Variants in ZNF30 observed in about 807,000 individuals in gnomAD.
ZNF30 encodes zinc finger protein 30.
A neutral mutation model predicts 13.2 loss-of-function variants in ZNF30; 15 were observed. The observed-to-expected ratio is 1.13, with a 90% CI of 0.76 to 1.75. The LOEUF is 1.75. ZNF30 is among the 40% of genes most tolerant of loss of function. ZNF30 has a pLI of 0.00. For missense variants in ZNF30, 726 were observed against 757.0 expected, an observed-to-expected ratio of 0.96 and a Z score of 0.48; for synonymous variants, 223 against 256.6, an observed-to-expected ratio of 0.87 and a Z score of 1.25.
chr19:34,926,297 A>C (rs1316928235), upstream of ZNF30, among the ~76,000 whole-genome samples: 1 of 152,264 alleles, frequency 6.6e-6, no homozygotes, highest in Non-Finnish European at 1.5e-5. Context: ...GGCTACAGGC[A>C]GCTAATACAG....
chr19:34,936,896 A>AG (rs2012771757), intron 4 of ZNF30, among the ~76,000 whole-genome samples: 1 of 151,898 alleles, frequency 6.6e-6, no homozygotes, highest in Non-Finnish European at 1.5e-5. Flanking sequence ...CCCCTGTCTC[A>AG]AAAAATAAAA....
intron 1 of ZNF30, among the ~76,000 whole-genome samples, chr19:34,928,704 G>A (rs991435465): frequency 2.0e-5 from 3 of 151,948 alleles, no homozygotes; most frequent in Non-Finnish European, 4.4e-5. Flanking sequence ...GTGGTGGTGG[G>A]CACCTGTAAT....
At chr19:34,930,704 T>A (rs571449677) in intron 2 of ZNF30, among the ~76,000 whole-genome samples, 23 of 151,636 alleles carry the variant, frequency 1.5e-4, no homozygotes, top group South Asian at 1.0e-3. Flanking sequence ...CCAAAAAAAA[T>A]TTTTTTTAAT....
chr19:34,942,535 C>T (rs1374143555), intron 4 of ZNF30: 4 of 834,050 alleles, frequency 4.8e-6, no homozygotes, highest in Non-Finnish European at 6.5e-6. Context: ...CGTCCTTAGA[C>T]AAAGTTAGCA....
At chr19:34,925,786 G>A (rs1170116010), upstream of ZNF30, among the ~76,000 whole-genome samples, 3 of 148,354 alleles carry the variant, frequency 2.0e-5, no homozygotes, top group African/African-American at 7.4e-5. Flanking sequence ...AAGGGACCCC[G>A]CCCTTCCCTC....
chr19:34,928,693 C>T (rs1019656040), intron 1 of ZNF30, among the ~76,000 whole-genome samples: 3 of 151,746 alleles, frequency 2.0e-5, no homozygotes, highest in Non-Finnish European at 4.4e-5. Context: ...ATTAGCCAGG[C>T]GTGGTGGTGG....
Position 34,944,222 on chromosome 19 carries a change from A to G in ZNF30, c.1256A>G (p.Gln419Arg), listed in dbSNP as rs750577469. 1.9e-6 allele frequency: 3 copies of G among 1,613,826 alleles called. No homozygotes were observed. The highest frequency in any genetic ancestry group is 2.5e-6 in the Non-Finnish European group (3 of 1,179,940). Residue 419 changes from glutamine to arginine, a missense_variant, in exon 5 of 5, where the codon CAG becomes CGG. Transcript: ENST00000601142. ...ACTGGCTCATACCTTGTTCAGCATC[A>G]GAGGATCCATACTGGGGAGAAACCC... ...FSTGSYLVQHQRIHTGEKPYE... is the reference protein window; with the variant it reads ...FSTGSYLVQHRRIHTGEKPYE...
At position 34,945,081 on chromosome 19, in the gene ZNF30, C is replaced by CCACCG; in HGVS notation, c.*243_*244insCACCG. On this transcript the variant is annotated 3_prime_UTR_variant, in exon 5 of 5. Transcript: ENST00000601142. ...GGGAAACGTTATTACTTAATGGTTA[C>CCACCG]AGCACTGACAGCATGAACTTTTATA... is the stretch of plus-strand genomic sequence containing the variant. 2.5e-6 allele frequency: 1 copy of CCACCG among 407,962 alleles called. No individual in the cohort carries two copies. The highest frequency in any genetic ancestry group is 4.3e-6 in the Non-Finnish European group (1 of 231,110). The allele number at this position is 407,962 out of a possible 1,614,324, so 25.3% of individuals were successfully genotyped here. A position where few individuals can be genotyped will look rare whatever the true frequency, so the allele number is the denominator to read the frequency against.
intron 1 of ZNF30, among the ~76,000 whole-genome samples, chr19:34,928,221 ATATATATATATATATAT>A (rs1215562744): frequency 4.5e-5 from 3 of 66,628 alleles, no homozygotes; most frequent in African/African-American, 9.2e-5. Context: ...AAAAAAAAAA[ATATATATATATATATAT>A]ATATATATAT....
chr19:34,929,207 T>C (rs1391377544), intron 1 of ZNF30, among the ~76,000 whole-genome samples: 1 of 152,124 alleles, frequency 6.6e-6, no homozygotes, highest in Admixed American at 6.5e-5. Context: ...CACTTGAATC[T>C]GGGTGGCGTA....
intron 2 of ZNF30, among the ~76,000 whole-genome samples, chr19:34,931,542 T>A (rs558657826): frequency 6.6e-6 from 1 of 152,230 alleles, no homozygotes; most frequent in African/African-American, 2.4e-5. Context: ...TTTTTGAGAA[T>A]TTGTTTCATT....
In ZNF30 at chr19:34,933,626, A is replaced by G. The variant is rs138113607; in HGVS notation, c.161-2A>G. 9.1e-4 allele frequency: 1,444 copies of G among 1,590,840 alleles called. 11 individuals are homozygous for G. In the African/African-American group the frequency reaches 0.018, roughly 19 times the overall value. ...TTTTCTACATTCTTATCTCATAAGC[A>G]GGACATTCCCGTTCTAAACCACATG... is the stretch of plus-strand genomic sequence containing the variant. On this transcript the variant is annotated splice_acceptor_variant, in intron 3 of 4. Coordinates refer to ENST00000601142, the MANE Select transcript of ZNF30 (RefSeq NM_194325.3). LOFTEE classifies it high-confidence loss of function.
chr19:34,929,605 A>T (rs1323888629), intron 1 of ZNF30, among the ~76,000 whole-genome samples: 1 of 152,202 alleles, frequency 6.6e-6, no homozygotes, highest in Non-Finnish European at 1.5e-5. Flanking sequence ...GTTCAAGAGA[A>T]GACTGTGCAA....
intron 4 of ZNF30, chr19:34,942,645 A>T: frequency 7.8e-7 from 1 of 1,289,454 alleles, no homozygotes; most frequent in Non-Finnish European, 1.0e-6. Context: ...TTTTTAGGCG[A>T]TGATGCCACC....
intron 3 of ZNF30, among the ~76,000 whole-genome samples, chr19:34,932,928 A>G (rs983171482): frequency 2.0e-5 from 3 of 151,412 alleles, no homozygotes; most frequent in Admixed American, 6.6e-5. Context: ...TTATAAGCGT[A>G]CACCACCACA....
rs900691291 is a variant in ZNF30, at chr19:34,931,998, G to T, written c.160+5G>T. 5.7e-6 allele frequency: 9 copies of T among 1,568,262 alleles called. No individual in the cohort carries two copies. The African/African-American group carries it at 8.3e-5, about 14-fold the overall frequency. On this transcript the variant is annotated splice_donor_5th_base_variant and intron_variant, in intron 3 of 4. Coordinates refer to ENST00000601142, the MANE Select transcript of ZNF30 (RefSeq NM_194325.3). The stretch of plus-strand genomic sequence containing the variant: ...ACAGGAACTTGGTGTCAATGGGTAA[G>T]TGTACTTCTCTCAAATAATTGAGAA...
intron 2 of ZNF30, among the ~76,000 whole-genome samples, chr19:34,931,000 TTATAAG>T (rs1423785975): frequency 2.6e-5 from 4 of 152,144 alleles, no homozygotes; most frequent in African/African-American, 9.6e-5. Context: ...CAGTCTTCGT[TTATAAG>T]TATAAAATCA....
chr19:34,932,376 T>C (rs764932194), intron 3 of ZNF30, among the ~76,000 whole-genome samples: 1 of 152,186 alleles, frequency 6.6e-6, no homozygotes, highest in Non-Finnish European at 1.5e-5. Flanking sequence ...TCATTTTATT[T>C]CATATAAAAT....
In ZNF30 at chr19:34,926,928, G is replaced by C. The variant is rs899053631; in HGVS notation, c.-353G>C. On this transcript the variant is annotated 5_prime_UTR_variant, in exon 1 of 5. Transcript: ENST00000601142. ...CTTGTGGACTGCGCCGGGCATGCTC[G>C]GCGGTGTGACGGCTCAGGACTGCAT... 2 of 398,320 alleles carry C rather than the reference G, an allele frequency of 5.0e-6. No individual in the cohort carries two copies. Among genetic ancestry groups the C allele is most frequent in the Non-Finnish European group, 8.9e-6 (2 of 225,960 alleles). The allele number at this position is 398,320 out of a possible 1,614,324, so 24.7% of individuals were successfully genotyped here. A position where few individuals can be genotyped will look rare whatever the true frequency, so the allele number is the denominator to read the frequency against.
Sources: allele counts gnomAD v4.1 joint callset (sites outside exome capture counted in the v4.1 genomes callset), GRCh38; gene constraint gnomAD v4.1.1; transcripts MANE v1.5; gene names NCBI Gene and HGNC (gene_info 2026-07-23, HGNC 2026-07-21).